The following IL23R variants were observed in gnomAD, a reference collection of about 807,000 sequenced individuals.
The protein encoded by IL23R is interleukin 23 receptor.
A neutral mutation model predicts 56.9 loss-of-function variants in IL23R; 34 were observed. That is an observed-to-expected ratio of 0.60 (90% CI 0.45 to 0.80). The LOEUF is 0.80. Ranked by LOEUF, IL23R falls within the 30% of genes least tolerant of loss-of-function variation. The pLI, the probability that IL23R is intolerant of heterozygous loss-of-function variation, is 0.00. For missense variants in IL23R, 635 were observed against 730.0 expected (o/e 0.87, Z 1.50); for synonymous variants, 230 against 249.2 (o/e 0.92, Z 0.73).
At chr1:67,262,310 G>A (rs1428285342), downstream of IL23R, among the ~76,000 whole-genome samples, 1 of 152,108 alleles carries the variant, frequency 6.6e-6, no homozygotes, top group African/African-American at 2.4e-5. Flanking sequence ...CATTTTAGTA[G>A]GGGAAGAGGC....
intron 4 of IL23R, among the ~76,000 whole-genome samples, chr1:67,183,879 G>A (rs1487096833): frequency 6.6e-6 from 1 of 152,102 alleles, no homozygotes; most frequent in Non-Finnish European, 1.5e-5. Flanking sequence ...GAAAGTTGTG[G>A]GCAAACTAGG....
At chr1:67,222,102 CTTTTTT>C (rs72241835) in intron 7 of IL23R, among the ~76,000 whole-genome samples, 31 of 58,900 alleles carry the variant, frequency 5.3e-4, no homozygotes, top group African/African-American at 1.7e-3. Context: ...TTCTTTCTTT[CTTTTTT>C]TTTTTTTTTT....
chr1:67,205,704 C>T (rs1033964786), intron 5 of IL23R, among the ~76,000 whole-genome samples: 1 of 152,140 alleles, frequency 6.6e-6, no homozygotes. Flanking sequence ...ATTTACAAAG[C>T]CTTAGAGTCT....
intron 9 of IL23R, among the ~76,000 whole-genome samples, chr1:67,246,102 G>T (rs1047262972): frequency 6.6e-6 from 1 of 152,170 alleles, no homozygotes. Flanking sequence ...TTGCACAGAG[G>T]TATTTATAGT....
chr1:67,217,864 A>G (rs1442034746), intron 6 of IL23R, among the ~76,000 whole-genome samples: 2 of 151,858 alleles, frequency 1.3e-5, no homozygotes, highest in African/African-American at 2.4e-5. Flanking sequence ...TGGGTTTTAA[A>G]TGGAAGCATC....
At chr1:67,148,248 C>T (rs1203322397) in intron 1 of IL23R, among the ~76,000 whole-genome samples, 5 of 152,352 alleles carry the variant, frequency 3.3e-5, no homozygotes, top group East Asian at 1.9e-4. Flanking sequence ...CAGTAGTGGA[C>T]GGCGAGCGAA....
intron 9 of IL23R, among the ~76,000 whole-genome samples, chr1:67,254,393 C>T (rs1420759116): frequency 7.5e-6 from 1 of 133,922 alleles, no homozygotes; most frequent in Non-Finnish European, 1.6e-5. Context: ...TATAATAAAA[C>T]CAAAAGTGGG....
chr1:67,224,661 T>A (rs1416297887), intron 7 of IL23R, among the ~76,000 whole-genome samples: 4 of 152,350 alleles, frequency 2.6e-5, no homozygotes, highest in Non-Finnish European at 1.5e-5. Flanking sequence ...TCAACTTTAA[T>A]GACTTATTCT....
Position 67,206,884 on chromosome 1 carries a change from C to CTTTT in IL23R, c.653-8_653-5dup, listed in dbSNP as rs557919248. 3.4e-3 allele frequency: 4,087 copies of CTTTT among 1,189,344 alleles called. 225 individuals carry two copies. Among genetic ancestry groups the CTTTT allele is most frequent in the South Asian group, 0.011 (675 of 59,042 alleles). 73.7% of individuals were successfully genotyped at this position (1,189,344 alleles called of 1,614,324 possible). A position where few individuals can be genotyped will look rare whatever the true frequency, so the allele number is the denominator to read the frequency against. ...CTAGGCAAGTTTTAAACAGCCAGGTCTTTTTTTTTTTTTTTTTTTTTCTAG... is the reference window on the plus strand; with the variant it reads ...CTAGGCAAGTTTTAAACAGCCAGGTCTTTTTTTTTTTTTTTTTTTTTTTTTCTAG... On this transcript the variant is annotated intron_variant, in intron 5 of 10. Transcript: ENST00000347310.
intron 4 of IL23R, among the ~76,000 whole-genome samples, chr1:67,197,721 G>A (rs1648268767): frequency 6.6e-6 from 1 of 152,186 alleles, no homozygotes; most frequent in Non-Finnish European, 1.5e-5. Flanking sequence ...AAGGCAAGAG[G>A]ATCACTTGAG....
chr1:67,184,854 T>C (rs58934658), intron 4 of IL23R, among the ~76,000 whole-genome samples: 175 of 152,170 alleles, frequency 1.2e-3, no homozygotes, highest in African/African-American at 4.0e-3. Context: ...CCCAATGCAA[T>C]AGTAACAAGA....
chr1:67,164,650 A>ATAAAT, upstream of IL23R, among the ~76,000 whole-genome samples: 1 of 151,218 alleles, frequency 6.6e-6, no homozygotes, highest in East Asian at 1.9e-4. Flanking sequence ...ATAAAATAAA[A>ATAAAT]TAAAATAAAA....
At chr1:67,202,345 G>T (rs1177753360) in intron 5 of IL23R, among the ~76,000 whole-genome samples, 3 of 152,132 alleles carry the variant, frequency 2.0e-5, no homozygotes, top group Non-Finnish European at 2.9e-5. Flanking sequence ...GGGACTACAG[G>T]TGTGTGCCAC....
intron 7 of IL23R, among the ~76,000 whole-genome samples, chr1:67,233,929 CTGTGTGTGTGTGTGTG>C (rs57455484): frequency 1.1e-4 from 15 of 138,764 alleles, no homozygotes; most frequent in Admixed American, 2.2e-4. Flanking sequence ...GTCATAAAGG[CTGTGTGTGTGTGTGTG>C]TGTGTGTGTG....
chr1:67,219,454 T>C (rs1212546228), intron 6 of IL23R, 120 bp from the exon 7 acceptor site: 14 of 887,088 alleles, frequency 1.6e-5, no homozygotes, highest in Non-Finnish European at 2.5e-5. Context: ...AAGAACACTT[T>C]GTTTTCCTAG....
intron 4 of IL23R, among the ~76,000 whole-genome samples, chr1:67,197,945 AAAGAAAAG>A (rs1648293652): frequency 1.6e-5 from 1 of 63,352 alleles, no homozygotes; most frequent in African/African-American, 4.9e-5. Context: ...TTAAAAAAGA[AAAGAAAAG>A]AAAAGAAAAG....
chr1:67,240,648 A>G (rs955186398), intron 9 of IL23R, among the ~76,000 whole-genome samples: 3 of 152,228 alleles, frequency 2.0e-5, no homozygotes, highest in Admixed American at 6.5e-5. Context: ...TTGTGCCTCA[A>G]ATTTACCTAC....
Position 67,258,732 on chromosome 1 carries a change from C to T in IL23R, c.1494C>T (p.Leu498=). 6.2e-7 allele frequency: 1 copy of T among 1,613,524 alleles called. No individual in the cohort carries two copies. Among genetic ancestry groups the T allele is most frequent in the Non-Finnish European group, 8.5e-7 (1 of 1,179,726 alleles). ...ATTTTCTGCCTGAGGGAAGCCATCTCAGCAATAATAATGAAATTACTTCCT... is the reference window on the plus strand; with the variant it reads ...ATTTTCTGCCTGAGGGAAGCCATCTTAGCAATAATAATGAAATTACTTCCT... ...ISNFLPEGSH[L]SNNNEITSLT... The change falls in exon 11 of 11, where the codon CTC becomes CTT. Residue 498 remains leucine, a synonymous_variant. Coordinates refer to ENST00000347310, the MANE Select transcript of IL23R (RefSeq NM_144701.3).
intron 4 of IL23R, among the ~76,000 whole-genome samples, chr1:67,196,887 T>C (rs1648195148): frequency 6.6e-6 from 1 of 152,216 alleles, no homozygotes. Context: ...TTGACAACAA[T>C]GAAGACACTG....
Sources: allele counts gnomAD v4.1 joint callset (sites outside exome capture counted in the v4.1 genomes callset), GRCh38; gene constraint gnomAD v4.1.1; transcripts MANE v1.5; gene names NCBI Gene and HGNC (gene_info 2026-07-23, HGNC 2026-07-21).